Variants in N4BP2L2 observed in about 807,000 individuals in gnomAD.
The protein encoded by N4BP2L2 is NEDD4 binding protein 2 like 2.
N4BP2L2 carries 50 observed loss-of-function variants against 56.2 expected under a neutral mutation model. The ratio of observed to expected loss-of-function variants is 0.89; its 90% CI spans 0.71 to 1.13. The LOEUF (loss-of-function observed/expected upper bound fraction) is 1.13. N4BP2L2 is among the 50% of genes most tolerant of loss of function. The pLI, the probability that N4BP2L2 is intolerant of heterozygous loss-of-function variation, is 0.00. For missense variants in N4BP2L2, 689 were observed against 693.8 expected, an observed-to-expected ratio of 0.99 and a Z score of 0.08; for synonymous variants, 203 against 223.6, an observed-to-expected ratio of 0.91 and a Z score of 0.82.
At chr13:32,441,927 A>ATAGC (rs1296964351) in intron 7 of N4BP2L2, among the ~76,000 whole-genome samples, 10 of 137,518 alleles carry the variant, frequency 7.3e-5, no homozygotes, top group African/African-American at 2.6e-4. Context: ...AAATAAATAA[A>ATAGC]TAGCCGGGCG....
chr13:32,506,198 G>GTCT (rs895821511), downstream of N4BP2L2: 1 of 152,194 alleles, frequency 6.6e-6, no homozygotes, highest in Non-Finnish European at 1.5e-5. Flanking sequence ...TCTTCACATG[G>GTCT]TCTTACCTTT....
At chr13:32,535,886 T>G (rs1330812724) in exon 2 of N4BP2L2, 1 of 1,614,040 alleles carries the variant, frequency 6.2e-7, no homozygotes, top group Non-Finnish European at 8.5e-7. Context: ...TGTTCCATTA[T>G]GCTTGTCCAT....
intron 7 of N4BP2L2, among the ~76,000 whole-genome samples, chr13:32,440,013 G>T (rs1403463193): frequency 1.4e-5 from 2 of 144,502 alleles, no homozygotes; most frequent in Non-Finnish European, 3.0e-5. Context: ...GTGGCAGAGC[G>T]AGACTCCGTC....
intron 6 of N4BP2L2, chr13:32,480,571 C>T (rs553001036): frequency 8.1e-7 from 1 of 1,236,080 alleles, no homozygotes; most frequent in African/African-American, 1.5e-5. Context: ...TATATCATTA[C>T]TTGGAGTTTC....
chr13:32,492,774 T>TA (rs1247506825), intron 6 of N4BP2L2, among the ~76,000 whole-genome samples: 1 of 152,092 alleles, frequency 6.6e-6, no homozygotes, highest in Non-Finnish European at 1.5e-5. Context: ...TCTCAAAAAA[T>TA]AAAAAATTTC....
chr13:32,480,422 G>T (rs2084380497), intron 6 of N4BP2L2, among the ~76,000 whole-genome samples: 1 of 152,212 alleles, frequency 6.6e-6, no homozygotes, highest in Non-Finnish European at 1.5e-5. Context: ...CAGATTAAAA[G>T]TTCACTTGAC....
At chr13:32,450,935 C>T (rs926438473) in intron 6 of N4BP2L2, among the ~76,000 whole-genome samples, 8 of 139,366 alleles carry the variant, frequency 5.7e-5, no homozygotes, top group Middle Eastern at 3.8e-3. Context: ...AGGCTGGTCT[C>T]GAACTCCTGG....
At chr13:32,483,616 T>C (rs1197880817) in intron 6 of N4BP2L2, among the ~76,000 whole-genome samples, 6 of 152,134 alleles carry the variant, frequency 3.9e-5, no homozygotes, top group Admixed American at 3.9e-4. Flanking sequence ...TGTATGGGGG[T>C]AGAGCAGGAA....
Position 32,503,156 on chromosome 13 carries a change from G to C in N4BP2L2, c.365+14701C>G, listed in dbSNP as rs557302498. Among the ~76,000 whole-genome samples the C allele has an allele frequency of 9.4e-5, 10 of 106,294 alleles. No homozygotes were observed. The South Asian group carries it at 3.1e-3, about 33-fold the overall frequency. 69.7% of individuals were successfully genotyped at this position (106,294 alleles called of 152,430 possible). A position where few individuals can be genotyped will look rare whatever the true frequency, so the allele number is the denominator to read the frequency against. On this transcript the variant is annotated intron_variant, in intron 6 of 9. Coordinates refer to the N4BP2L2 transcript ENST00000357505. ...CCACTGCAGTACAGCCTAGGTGACA[G>C]AGCAAGACTCTGTAGCAAAAAAAAA... is the stretch of plus-strand genomic sequence containing the variant.
chr13:32,446,787 A>G (rs1323842175), intron 6 of N4BP2L2, among the ~76,000 whole-genome samples: 1 of 152,232 alleles, frequency 6.6e-6, no homozygotes, highest in East Asian at 1.9e-4. Context: ...TTAAAAAAAG[A>G]TGTTACACTT....
intron 6 of N4BP2L2, among the ~76,000 whole-genome samples, chr13:32,446,026 C>T (rs2076999402): frequency 6.6e-6 from 1 of 152,096 alleles, no homozygotes; most frequent in Admixed American, 6.5e-5. Context: ...GAAAAGCAAG[C>T]AAACAAACCT....
chr13:32,497,034 AG>A (rs1007291980), intron 6 of N4BP2L2, among the ~76,000 whole-genome samples: 4 of 152,210 alleles, frequency 2.6e-5, no homozygotes, highest in Admixed American at 2.6e-4. Flanking sequence ...TAAAAATTAA[AG>A]TGAACTCCTG....
intron 4 of N4BP2L2, chr13:32,521,896 A>C (rs995101426): frequency 1.8e-5 from 6 of 335,486 alleles, no homozygotes; most frequent in African/African-American, 1.3e-4. Flanking sequence ...GAATCGCTTC[A>C]ACTGGGGAGG....
At chr13:32,447,011 C>T (rs2077149546) in intron 6 of N4BP2L2, among the ~76,000 whole-genome samples, 1 of 151,782 alleles carries the variant, frequency 6.6e-6, no homozygotes, top group Non-Finnish European at 1.5e-5. Context: ...AACCATTATG[C>T]AACACTGCCT....
At chr13:32,501,684 G>A (rs1036535561) in intron 6 of N4BP2L2, among the ~76,000 whole-genome samples, 1 of 151,936 alleles carries the variant, frequency 6.6e-6, no homozygotes, top group Non-Finnish European at 1.5e-5. Flanking sequence ...GAGTGGTGGT[G>A]GGCACCCGTA....
intron 6 of N4BP2L2, among the ~76,000 whole-genome samples, chr13:32,453,425 G>A (rs551615138): frequency 4.0e-5 from 6 of 151,062 alleles, no homozygotes; most frequent in African/African-American, 1.5e-4. Context: ...CGGGCAAAAT[G>A]TTTAATCAAG....
At chr13:32,514,718 A>G in exon 6 of N4BP2L2, 1 of 152,248 alleles carries the variant, frequency 6.6e-6, no homozygotes, top group Non-Finnish European at 1.5e-5. Flanking sequence ...ATAGATTTTT[A>G]AACACCAAGC....
exon 6 of N4BP2L2, chr13:32,516,870 G>C: frequency 1.0e-6 from 1 of 983,502 alleles, no homozygotes; most frequent in Non-Finnish European, 1.2e-6. Context: ...GAAGGCAGGG[G>C]ATGAATGACA....
chr13:32,512,577 T>C (rs1417122453), exon 6 of N4BP2L2: 3 of 152,168 alleles, frequency 2.0e-5, no homozygotes. Flanking sequence ...GAAAAAGAGA[T>C]TATGAATGAT....
Sources: allele counts gnomAD v4.1 joint callset (sites outside exome capture counted in the v4.1 genomes callset), GRCh38; gene constraint gnomAD v4.1.1; transcripts MANE v1.5; gene names NCBI Gene and HGNC (gene_info 2026-07-23, HGNC 2026-07-21).